The following DOP1A variants were observed in gnomAD, a reference collection of about 807,000 sequenced individuals.
The protein encoded by DOP1A is DOP1 leucine zipper like protein A.
Under a neutral mutation model 267.6 loss-of-function variants are expected in DOP1A, and 90 were observed. The ratio of observed to expected loss-of-function variants is 0.34; its 90% CI spans 0.28 to 0.40. DOP1A has a LOEUF of 0.40. DOP1A is among the 10% of genes least tolerant of loss of function. The pLI is 1.00. For missense variants in DOP1A, 2,437 were observed against 2,900.4 expected, an observed-to-expected ratio of 0.84 and a Z score of 3.67; for synonymous variants, 932 against 999.1, an observed-to-expected ratio of 0.93 and a Z score of 1.27.
intron 1 of DOP1A, among the ~76,000 whole-genome samples, chr6:83,070,544 A>G (rs1355291562): frequency 6.6e-6 from 1 of 152,190 alleles, no homozygotes; most frequent in Non-Finnish European, 1.5e-5. Context: ...ACCACAATCA[A>G]GATTTGGAAG....
chr6:83,114,960 G>A (rs961465660), intron 7 of DOP1A, among the ~76,000 whole-genome samples: 10 of 152,074 alleles, frequency 6.6e-5, no homozygotes, highest in South Asian at 4.1e-4. Context: ...GGATTATGAC[G>A]TAGGTACCTT....
At position 83,129,180 on chromosome 6, in the gene DOP1A, G is replaced by A; in HGVS notation, c.2013G>A (p.Lys671=). 6.2e-7 allele frequency: 1 copy of A among 1,613,096 alleles called. No homozygotes were observed. Among genetic ancestry groups the A allele is most frequent in the Non-Finnish European group, 8.5e-7 (1 of 1,179,518 alleles). The change falls in exon 16 of 39, where the codon AAG becomes AAA. Residue 671 remains lysine (K), a synonymous_variant. Coordinates refer to ENST00000349129, the MANE Select transcript of DOP1A (RefSeq NM_015018.4). Reference sequence around the variant, plus strand: ...CCCGAAGTAGGAAGACAGCCCAAAAGACTGCAATGCAGTGCTGCTTGGAGT... The same window carrying A: ...CCCGAAGTAGGAAGACAGCCCAAAAAACTGCAATGCAGTGCTGCTTGGAGT... ...TATRSRKTAQ[K]TAMQCCLEYV...
chr6:83,070,039 A>G (rs1013946001), intron 1 of DOP1A, among the ~76,000 whole-genome samples: 4 of 152,232 alleles, frequency 2.6e-5, no homozygotes, highest in African/African-American at 9.6e-5. Flanking sequence ...GCTGAACACA[A>G]TCTTAAACTG....
At chr6:83,128,249 C>T (rs1345374721) in intron 15 of DOP1A, among the ~76,000 whole-genome samples, 1 of 152,158 alleles carries the variant, frequency 6.6e-6, no homozygotes, top group Non-Finnish European at 1.5e-5. Flanking sequence ...TATACTTACT[C>T]TATCCTATTG....
At chr6:83,078,709 GGT>G (rs1411026324) in intron 1 of DOP1A, among the ~76,000 whole-genome samples, 1 of 152,138 alleles carries the variant, frequency 6.6e-6, no homozygotes, top group African/African-American at 2.4e-5. Context: ...AGTGAGGAGA[GGT>G]GTAGTAACAG....
At chr6:83,081,513 T>C (rs1768069064) in intron 1 of DOP1A, among the ~76,000 whole-genome samples, 1 of 152,074 alleles carries the variant, frequency 6.6e-6, no homozygotes, top group African/African-American at 2.4e-5. Flanking sequence ...CAGAACAAAA[T>C]TAGACCCTTA....
rs1197127128 is a variant in DOP1A, at chr6:83,153,742, GT to G, written c.6239+125del. Reference sequence around the variant, plus strand: ...GGCATTTTTACCTTGAATTATAATTGTTTAAAAAAATTCATATATTATTTTT... The same window carrying G: ...GGCATTTTTACCTTGAATTATAATTGTTAAAAAAATTCATATATTATTTTT... On this transcript the variant is annotated intron_variant, in intron 31 of 38. Transcript: ENST00000349129. The G allele has an allele frequency of 1.3e-5, 15 of 1,162,874 alleles. No homozygotes were observed. The Admixed American group carries it at 2.1e-4, about 16-fold the overall frequency. The allele number at this position is 1,162,874 out of a possible 1,614,324, so 72.0% of individuals were successfully genotyped here.
rs775698516 is a variant in DOP1A at position 83,145,519 on chromosome 6, C to T, written c.5542-5C>T. 1 of 1,581,544 alleles carries T rather than the reference C, an allele frequency of 6.3e-7. No homozygotes were observed. Among genetic ancestry groups the T allele is most frequent in the South Asian group, 1.1e-5 (1 of 87,098 alleles). ...CATACATACATACAATGATTTATTA[C>T]CTAGGTCATTCCTGCAGCCAGTGAA... On this transcript the variant is annotated splice_region_variant and splice_polypyrimidine_tract_variant and intron_variant, in intron 24 of 38. Transcript: ENST00000349129.
Position 83,142,032 on chromosome 6 carries a change from A to G in DOP1A, c.5527A>G (p.Thr1843Ala), listed in dbSNP as rs1296104490. 2.5e-6 allele frequency: 4 copies of G among 1,611,674 alleles called. No homozygotes were observed. Among genetic ancestry groups the G allele is most frequent in the Non-Finnish European group, 3.4e-6 (4 of 1,179,428 alleles). The part of the protein sequence containing the change: ...VWNERRQNKT[T>A]TRTKVIPAAS... ...GAATGAAAGAAGACAGAATAAAACA[A>G]CCACCAGGACCAAGGTATGTATTTA... Residue 1843 changes from threonine (T) to alanine (A), a missense_variant, in exon 24 of 39, where the codon ACC becomes GCC. Thr to Ala is a moderately conservative substitution (Grantham distance 58, BLOSUM62 0). Transcript: ENST00000349129.
intron 1 of DOP1A, among the ~76,000 whole-genome samples, chr6:83,093,726 T>C (rs1331240610): frequency 6.6e-6 from 1 of 152,052 alleles, no homozygotes; most frequent in African/African-American, 2.4e-5. Context: ...GCCAGCGTGG[T>C]GAAACCCCAT....
At chr6:83,093,643 C>A (rs1770888118) in intron 1 of DOP1A, among the ~76,000 whole-genome samples, 1 of 152,212 alleles carries the variant, frequency 6.6e-6, no homozygotes, top group African/African-American at 2.4e-5. Context: ...CACAGTGGCT[C>A]ACGCCTGTAA....
chr6:83,078,035 C>G (rs1404699014), intron 1 of DOP1A, among the ~76,000 whole-genome samples: 1 of 152,116 alleles, frequency 6.6e-6, no homozygotes, highest in Non-Finnish European at 1.5e-5. Context: ...AGGTATCATG[C>G]AGAGACATAG....
chr6:83,103,582 C>T (rs1053350686), intron 4 of DOP1A, among the ~76,000 whole-genome samples: 1 of 152,138 alleles, frequency 6.6e-6, no homozygotes, highest in African/African-American at 2.4e-5. Flanking sequence ...TGTTCTCTCC[C>T]CACTTATTAG....
chr6:83,168,065 G>A lies in DOP1A; in HGVS notation c.7296G>A (p.Lys2432=). ...TCTACTCAAATGCCTTCCCTAATAA[G>A]GACATGAAACTGGAGAACCACAAAC... ...PILYSNAFPN[K]DMKLENHKPC... Residue 2432 remains lysine, a synonymous_variant, in exon 39 of 39, where the codon AAG becomes AAA. Coordinates refer to ENST00000349129, the MANE Select transcript of DOP1A (RefSeq NM_015018.4). The A allele has an allele frequency of 6.2e-7, 1 of 1,614,122 alleles. No homozygotes were observed. The highest frequency in any genetic ancestry group is 2.2e-5 in the East Asian group (1 of 44,874).
chr6:83,096,360 G>A (rs1239173856), intron 1 of DOP1A, among the ~76,000 whole-genome samples: 1 of 151,236 alleles, frequency 6.6e-6, no homozygotes, highest in African/African-American at 2.4e-5. Flanking sequence ...TGGGATTACA[G>A]GTGTGAGCCA....
At chr6:83,099,006 C>T (rs1275446129) in intron 3 of DOP1A, among the ~76,000 whole-genome samples, 2 of 151,984 alleles carry the variant, frequency 1.3e-5, no homozygotes, top group African/African-American at 4.8e-5. Context: ...TTTGTTACGG[C>T]CAGCTCCGAG....
chr6:83,158,476 G>GT (rs1783378561), intron 35 of DOP1A, 91 bp from the exon 36 acceptor site: 4 of 986,660 alleles, frequency 4.1e-6, no homozygotes, highest in Admixed American at 5.4e-5. Context: ...TCTAAAATTT[G>GT]TTTTTGCGTT....
chr6:83,102,090 C>T (rs1048842199), intron 4 of DOP1A, among the ~76,000 whole-genome samples: 10 of 152,146 alleles, frequency 6.6e-5, no homozygotes, highest in Admixed American at 4.6e-4. Flanking sequence ...TGCTTGACAT[C>T]GCCATATAGA....
intron 1 of DOP1A, among the ~76,000 whole-genome samples, chr6:83,089,161 G>T (rs1769870690): frequency 6.6e-6 from 1 of 152,210 alleles, no homozygotes. Context: ...AGGAGAGAAA[G>T]AGAAAATGCA....
Sources: allele counts gnomAD v4.1 joint callset (sites outside exome capture counted in the v4.1 genomes callset), GRCh38; gene constraint gnomAD v4.1.1; transcripts MANE v1.5; gene names NCBI Gene and HGNC (gene_info 2026-07-23, HGNC 2026-07-21).